The following SERPINB7 variants were observed in gnomAD, a reference collection of about 807,000 sequenced individuals.
The protein encoded by SERPINB7 is serpin family B member 7.
In SERPINB7, 31 loss-of-function variants were observed where a neutral mutation model predicts 37.4. The observed-to-expected ratio is 0.83, with a 90% CI of 0.62 to 1.12. SERPINB7 has a LOEUF of 1.12. Among genes scored for constraint, SERPINB7 ranks in the 50% most tolerant of loss-of-function variants. The pLI is 0.00. For synonymous variants in SERPINB7, 163 were observed against 166.1 expected, an observed-to-expected ratio of 0.98 and a Z score of 0.14; for missense variants, 521 against 455.3, an observed-to-expected ratio of 1.14 and a Z score of -1.31.
At chr18:63,802,181 A>G (rs2049556690) in intron 7 of SERPINB7, among the ~76,000 whole-genome samples, 1 of 152,194 alleles carries the variant, frequency 6.6e-6, no homozygotes, top group Non-Finnish European at 1.5e-5. Context: ...CTGTGTCTCA[A>G]GTGAAAAGCA....
At chr18:63,793,635 G>A (rs1263098972) in intron 4 of SERPINB7, among the ~76,000 whole-genome samples, 3 of 152,068 alleles carry the variant, frequency 2.0e-5, no homozygotes, top group East Asian at 1.9e-4. Flanking sequence ...TTCCTGAGTC[G>A]CTGTGACCAC....
At position 63,804,751 on chromosome 18, in the gene SERPINB7, A is replaced by C; in HGVS notation, c.*116A>C. The C allele has an allele frequency of 1.8e-6, 2 of 1,108,980 alleles. No homozygotes were observed. Among genetic ancestry groups the C allele is most frequent in the Non-Finnish European group, 2.5e-6 (2 of 785,810 alleles). The allele number at this position is 1,108,980 out of a possible 1,614,324, so 68.7% of individuals were successfully genotyped here. ...GTTTCCTTTGAGTTTATTTCTTCCTAACATTGGTCAGCAGATGACACTGGT... is the reference window on the plus strand; with the variant it reads ...GTTTCCTTTGAGTTTATTTCTTCCTCACATTGGTCAGCAGATGACACTGGT... On this transcript the variant is annotated 3_prime_UTR_variant, in exon 8 of 8. Transcript: ENST00000398019.
chr18:63,785,780 T>C (rs1010728849), intron 2 of SERPINB7, among the ~76,000 whole-genome samples: 4 of 151,214 alleles, frequency 2.6e-5, no homozygotes, highest in African/African-American at 9.7e-5. Context: ...AATGCTGTTC[T>C]TTCTTATAGT....
At chr18:63,758,226 C>A (rs2049132628) in intron 1 of SERPINB7, among the ~76,000 whole-genome samples, 1 of 152,100 alleles carries the variant, frequency 6.6e-6, no homozygotes, top group Admixed American at 6.6e-5. Flanking sequence ...AAGATATAAA[C>A]CCCCAGAAAT....
chr18:63,791,157 G>T (rs1026781978), intron 2 of SERPINB7, among the ~76,000 whole-genome samples: 1 of 152,132 alleles, frequency 6.6e-6, no homozygotes, highest in Non-Finnish European at 1.5e-5. Context: ...GGAGGCTAGG[G>T]AAGGGATAGC....
upstream of SERPINB7, among the ~76,000 whole-genome samples, chr18:63,772,435 G>T (rs529348541): frequency 6.2e-4 from 95 of 152,128 alleles, no homozygotes; most frequent in African/African-American, 2.2e-3. Flanking sequence ...AGGAAAATTA[G>T]ATACATCATT....
rs545749312 is a variant in SERPINB7, at chr18:63,779,859, ATT to A, written c.-18-2488_-18-2487del. On this transcript the variant is annotated intron_variant, in intron 1 of 7. Transcript: ENST00000398019. ...TTAAAGAATACTATTCAAAAGTATA[ATT>A]TTTTTTTGCCCCAAAGGATAAAATA... Among the ~76,000 whole-genome samples the A allele has an allele frequency of 6.7e-4, 102 of 151,436 alleles. 1 individual carries two copies. In the East Asian group the frequency reaches 0.017, roughly 26 times the overall value.
chr18:63,804,430 G>C lies in SERPINB7; in HGVS notation c.938G>C (p.Gly313Ala), dbSNP rs1360118222. The C allele has an allele frequency of 5.0e-6, 8 of 1,613,560 alleles. No individual in the cohort carries two copies. Among genetic ancestry groups the C allele is most frequent in the Non-Finnish European group, 6.8e-6 (8 of 1,179,832 alleles). The change falls in exon 8 of 8, where the codon GGG becomes GCG. Residue 313 changes from glycine (G) to alanine (A), a missense_variant. Physicochemically the swap from Gly to Ala is moderately conservative, Grantham distance 60. Transcript: ENST00000398019. ...SKADLSGIAS[G>A]GRLYISRMMH... is the part of the protein sequence containing the mutation. ...GCAGATCTCTCTGGGATTGCTTCGG[G>C]GGGTCGTCTGTATATATCAAGGATG...
chr18:63,771,327 G>C (rs1305151134), upstream of SERPINB7, among the ~76,000 whole-genome samples: 1 of 152,100 alleles, frequency 6.6e-6, no homozygotes, highest in African/African-American at 2.4e-5. Context: ...AATGGGATTT[G>C]TGTTTTCTTT....
At chr18:63,786,039 CA>C (rs2049363425) in intron 2 of SERPINB7, among the ~76,000 whole-genome samples, 1 of 89,844 alleles carries the variant, frequency 1.1e-5, no homozygotes, top group Non-Finnish European at 2.5e-5. Flanking sequence ...TATATATACA[CA>C]TATATATAAT....
In SERPINB7 at chr18:63,804,472, T is replaced by A; in HGVS notation, c.980T>A (p.Ile327Lys). The stretch of plus-strand genomic sequence containing the variant: ...TCAAGGATGATGCACAAATCTTACA[T>A]AGAGGTCACTGAGGAGGGCACCGAG... The part of the protein sequence containing the change: ...YISRMMHKSY[I>K]EVTEEGTEAT... The change falls in exon 8 of 8, where the codon ATA becomes AAA. Residue 327 changes from isoleucine (I) to lysine (K), a missense_variant. Transcript: ENST00000398019. The A allele has an allele frequency of 6.2e-7, 1 of 1,613,734 alleles. No individual in the cohort carries two copies. The highest frequency in any genetic ancestry group is 1.1e-5 in the South Asian group (1 of 91,078).
chr18:63,757,681 C>A (rs2049129654), intron 1 of SERPINB7, among the ~76,000 whole-genome samples: 1 of 152,214 alleles, frequency 6.6e-6, no homozygotes, highest in African/African-American at 2.4e-5. Flanking sequence ...GCCCACAAAG[C>A]CAGACATATT....
chr18:63,790,435 C>T (rs8088231), intron 2 of SERPINB7, among the ~76,000 whole-genome samples: 53,766 of 152,026 alleles, frequency 0.35, 10,412 homozygotes, highest in Middle Eastern at 0.5. Context: ...TCTGTATATA[C>T]ACTGCTATGA....
At chr18:63,801,248 G>A (rs1048241700) in intron 7 of SERPINB7, among the ~76,000 whole-genome samples, 7 of 152,168 alleles carry the variant, frequency 4.6e-5, no homozygotes, top group Non-Finnish European at 1.0e-4. Context: ...TGATCAAATT[G>A]GAACTCTCTC....
At chr18:63,780,534 T>C (rs1305025610) in intron 1 of SERPINB7, among the ~76,000 whole-genome samples, 2 of 152,224 alleles carry the variant, frequency 1.3e-5, no homozygotes, top group East Asian at 3.8e-4. Context: ...CTTTCATTGT[T>C]TCTCGTCTCC....
intron 1 of SERPINB7, among the ~76,000 whole-genome samples, chr18:63,777,211 ATG>A (rs1208192528): frequency 6.6e-6 from 1 of 151,948 alleles, no homozygotes; most frequent in African/African-American, 2.4e-5. Context: ...ACATATATAT[ATG>A]TGTGTGTGTA....
Position 63,804,567 on chromosome 18 carries a change from C to G in SERPINB7, c.1075C>G (p.His359Asp). The G allele has an allele frequency of 6.2e-7, 1 of 1,613,426 alleles. No individual in the cohort carries two copies. The highest frequency in any genetic ancestry group is 8.5e-7 in the Non-Finnish European group (1 of 1,179,720). The change falls in exon 8 of 8, where the codon CAC becomes GAC. Residue 359 changes from histidine (H) to aspartate (D), a missense_variant. Physicochemically the swap from His to Asp is moderately conservative, Grantham distance 81. Coordinates refer to ENST00000398019, the MANE Select transcript of SERPINB7 (RefSeq NM_003784.4). ...LPQSTLFRAD[H>D]PFLFVIRKDD... ...TCAGTCCACGCTGTTTAGAGCTGACCACCCATTCCTATTTGTTATCAGGAA... is the reference window on the plus strand; with the variant it reads ...TCAGTCCACGCTGTTTAGAGCTGACGACCCATTCCTATTTGTTATCAGGAA...
chr18:63,790,426 C>T (rs536394133), intron 2 of SERPINB7, among the ~76,000 whole-genome samples: 91 of 152,232 alleles, frequency 6.0e-4, no homozygotes, highest in South Asian at 2.9e-3. Flanking sequence ...CACTGTTATT[C>T]TGTATATACA....
intron 1 of SERPINB7, among the ~76,000 whole-genome samples, chr18:63,760,112 A>G (rs1442144352): frequency 6.6e-6 from 1 of 152,206 alleles, no homozygotes; most frequent in Admixed American, 6.5e-5. Context: ...AACTTCCTAG[A>G]GACTTGATGA....
Sources: allele counts gnomAD v4.1 joint callset (sites outside exome capture counted in the v4.1 genomes callset), GRCh38; gene constraint gnomAD v4.1.1; transcripts MANE v1.5; gene names NCBI Gene and HGNC (gene_info 2026-07-23, HGNC 2026-07-21).